Variants in MIA2 observed in about 807,000 individuals in gnomAD.
MIA2 encodes melanoma inhibitory activity protein 2.
A neutral mutation model predicts 167.8 loss-of-function variants in MIA2; 127 were observed. That is an observed-to-expected ratio of 0.76 (90% CI 0.66 to 0.88). The LOEUF (loss-of-function observed/expected upper bound fraction) is 0.88. Among genes scored for constraint, MIA2 ranks in the 40% least tolerant of loss-of-function variants. MIA2 has a pLI of 0.00. For synonymous variants in MIA2, 552 were observed against 541.9 expected (o/e 1.02, Z -0.26); for missense variants, 1,690 against 1,624.7 (o/e 1.04, Z -0.69).
At chr14:39,366,486 G>A (rs2074825355) in intron 23 of MIA2, among the ~76,000 whole-genome samples, 1 of 152,146 alleles carries the variant, frequency 6.6e-6, no homozygotes, top group Admixed American at 6.5e-5. Flanking sequence ...GGGTGGGCCA[G>A]TTCCCAGGCC....
At chr14:39,303,426 C>A in intron 15 of MIA2, 52 bp from the exon 16 acceptor site, 1 of 1,311,348 alleles carries the variant, frequency 7.6e-7, no homozygotes, top group Non-Finnish European at 1.1e-6. Context: ...TGTCTATTGT[C>A]GTATTGTACT....
chr14:39,343,353 G>T (rs1254279108), intron 25 of MIA2, among the ~76,000 whole-genome samples: 6 of 152,090 alleles, frequency 3.9e-5, no homozygotes, highest in Non-Finnish European at 7.4e-5. Context: ...CACCATGTTG[G>T]CCAGGCCGAT....
At position 39,288,476 on chromosome 14, in the gene MIA2, T is replaced by TTG. The variant is rs1595104981; in HGVS notation, c.2131-2542_2131-2541insGT. The stretch of plus-strand genomic sequence containing the variant: ...ATATATATATATATATATATATATA[T>TTG]TTTTTTTTTTTTTTTTGAGACGGAG... On this transcript the variant is annotated intron_variant, in intron 9 of 28. Coordinates refer to ENST00000640607, the MANE Select transcript of MIA2 (RefSeq NM_001329214.4). Among the ~76,000 whole-genome samples, 4 of 54,722 alleles carry TTG rather than the reference T, an allele frequency of 7.3e-5. 1 individual carries two copies. Among genetic ancestry groups the TTG allele is most frequent in the Non-Finnish European group, 1.0e-4 (3 of 29,162 alleles). The allele number at this position is 54,722 out of a possible 152,430, so 35.9% of individuals were successfully genotyped here. A position where few individuals can be genotyped will look rare whatever the true frequency, so the allele number is the denominator to read the frequency against.
At position 39,296,007 on chromosome 14, in the gene MIA2, T is replaced by C. The variant is rs1323767265; in HGVS notation, c.2496+978T>C. 2.0e-5 allele frequency among the ~76,000 whole-genome samples: 3 copies of C among 152,214 alleles called. No individual in the cohort carries two copies. In the East Asian group the frequency reaches 5.8e-4, roughly 29 times the overall value. ...TCATGCCTTCAAATGCTTTGTTTAA[T>C]CTGTTAATTGCATTTTTTTTTTCTT... On this transcript the variant is annotated intron_variant, in intron 13 of 28. Coordinates refer to ENST00000640607, the MANE Select transcript of MIA2 (RefSeq NM_001329214.4).
Position 39,360,011 on chromosome 14 carries a change from T to G in MIA2, c.2248+11034T>G, listed in dbSNP as rs1014600296. On this transcript the variant is annotated intron_variant, in intron 23 of 23. Transcript: ENST00000341502. ...CAGCATGTTTTTTTTTTTTTTTTTT[T>G]GTCTTATTAATAGCCATTCTGGCCA... Among the ~76,000 whole-genome samples the G allele has an allele frequency of 5.2e-5, 5 of 96,524 alleles. No individual in the cohort carries two copies. In the East Asian group the frequency reaches 7.8e-4, roughly 15 times the overall value. The allele number at this position is 96,524 out of a possible 152,430, so 63.3% of individuals were successfully genotyped here.
rs944268921 is a variant in MIA2, at chr14:39,265,661, A to G, written c.1888-11273A>G. 1.0e-5 allele frequency: 4 copies of G among 390,486 alleles called. No individual in the cohort carries two copies. The East Asian group carries it at 1.9e-4, about 18-fold the overall frequency. 24.2% of individuals were successfully genotyped at this position (390,486 alleles called of 1,614,324 possible). On this transcript the variant is annotated intron_variant, in intron 6 of 28. Coordinates refer to ENST00000640607, the MANE Select transcript of MIA2 (RefSeq NM_001329214.4). ...TTTTTTTTTGTTTTTGTTTTTTGAA[A>G]GTTCTAAAACCTGAAAATTATTCTG...
intron 3 of MIA2, among the ~76,000 whole-genome samples, chr14:39,241,856 G>A (rs947973495): frequency 4.6e-5 from 7 of 152,148 alleles, no homozygotes; most frequent in African/African-American, 1.7e-4. Context: ...TGCTGACCCT[G>A]TCTCTGGTGC....
At chr14:39,385,214 C>G (rs532861684) in intron 23 of MIA2, among the ~76,000 whole-genome samples, 1 of 152,146 alleles carries the variant, frequency 6.6e-6, no homozygotes, top group African/African-American at 2.4e-5. Flanking sequence ...CTGACAAACC[C>G]AAAGATCTAC....
At chr14:39,347,512 A>G (rs2073553220) in intron 26 of MIA2, 2 of 559,666 alleles carry the variant, frequency 3.6e-6, no homozygotes. Flanking sequence ...AATAATTGCC[A>G]CATGCCATCA....
intron 9 of MIA2, among the ~76,000 whole-genome samples, chr14:39,288,112 A>G (rs2152805195): frequency 6.6e-6 from 1 of 152,216 alleles, no homozygotes; most frequent in Middle Eastern, 3.4e-3. Flanking sequence ...GGCGTGAGCC[A>G]CCACACCTGG....
intron 14 of MIA2, among the ~76,000 whole-genome samples, chr14:39,301,357 A>C (rs957720957): frequency 6.6e-6 from 1 of 151,794 alleles, no homozygotes; most frequent in Admixed American, 6.6e-5. Flanking sequence ...GAGCCACCGC[A>C]TCTGGCTGTG....
At chr14:39,345,331 C>G (rs1398389983) in intron 25 of MIA2, among the ~76,000 whole-genome samples, 1 of 152,150 alleles carries the variant, frequency 6.6e-6, no homozygotes, top group Non-Finnish European at 1.5e-5. Context: ...GCTTCGGCCT[C>G]TCAAAGTGCT....
exon 24 of MIA2, chr14:39,387,171 T>C (rs1595975521): frequency 3.7e-5 from 18 of 488,856 alleles, no homozygotes; most frequent in Non-Finnish European, 5.7e-5. Flanking sequence ...TATAAGACTA[T>C]AGCTACCATA....
intron 23 of MIA2, 36 bp downstream of exon 23, chr14:39,319,327 A>G (rs764266718): frequency 2.0e-5 from 20 of 999,134 alleles, no homozygotes; most frequent in Non-Finnish European, 2.8e-5. Flanking sequence ...TTTAAAATAC[A>G]TATTTTACAT....
intron 23 of MIA2, among the ~76,000 whole-genome samples, chr14:39,320,172 C>A (rs1415966405): frequency 1.4e-5 from 2 of 139,338 alleles, no homozygotes; most frequent in Admixed American, 7.0e-5. Flanking sequence ...TTTCTTGTAG[C>A]TGGTTTGAAT....
At chr14:39,337,287 A>G (rs1396240736) in intron 25 of MIA2, among the ~76,000 whole-genome samples, 1 of 152,214 alleles carries the variant, frequency 6.6e-6, no homozygotes, top group Non-Finnish European at 1.5e-5. Flanking sequence ...AAGTATGGGA[A>G]ACAAAAACTG....
intron 2 of MIA2, 48 bp downstream of exon 2, chr14:39,237,103 G>GCA (rs1442830868): frequency 6.3e-7 from 1 of 1,593,878 alleles, no homozygotes; most frequent in East Asian, 2.2e-5. Flanking sequence ...TGACCAACTT[G>GCA]CACAAAGATT....
chr14:39,348,415 A>G (rs1368610431), intron 27 of MIA2, among the ~76,000 whole-genome samples: 2 of 152,140 alleles, frequency 1.3e-5, no homozygotes, highest in African/African-American at 4.8e-5. Flanking sequence ...ATAAACATAG[A>G]CATTTTGCTT....
chr14:39,347,534 G>A (rs2073562983), intron 26 of MIA2, 179 bp from the exon 27 acceptor site: 1 of 596,250 alleles, frequency 1.7e-6, no homozygotes, highest in Non-Finnish European at 3.0e-6. Context: ...AGAACTCTGA[G>A]TCTGCCAGAA....
Sources: allele counts gnomAD v4.1 joint callset (sites outside exome capture counted in the v4.1 genomes callset), GRCh38; gene constraint gnomAD v4.1.1; transcripts MANE v1.5; gene names NCBI Gene and HGNC (gene_info 2026-07-23, HGNC 2026-07-21).